GPHN: variants seen among roughly 807,000 people sequenced by gnomAD.
GPHN encodes gephyrin.
Under a neutral mutation model 95.5 loss-of-function variants are expected in GPHN, and 17 were observed. The observed-to-expected ratio is 0.18, with a 90% CI of 0.12 to 0.27. The LOEUF is 0.27. GPHN is among the 10% of genes least tolerant of loss of function. The pLI is 1.00. For synonymous variants in GPHN, 320 were observed against 322.5 expected (o/e 0.99, Z 0.08); for missense variants, 660 against 978.1 (o/e 0.67, Z 4.34).
chr14:67,109,132 AC>A (rs1249517974), intron 13 of GPHN, among the ~76,000 whole-genome samples: 1 of 152,228 alleles, frequency 6.6e-6, no homozygotes, highest in East Asian at 1.9e-4. Context: ...GTTTATCAAA[AC>A]AAAAAGTACA....
the GPHN span, among the ~76,000 whole-genome samples, chr14:67,362,220 A>G: frequency 6.6e-6 from 1 of 151,832 alleles, no homozygotes; most frequent in Non-Finnish European, 1.5e-5. Flanking sequence ...GGGTTTCACC[A>G]TGTTGACCAG....
At chr14:66,902,931 G>C (rs995531832) in intron 5 of GPHN, among the ~76,000 whole-genome samples, 1 of 151,896 alleles carries the variant, frequency 6.6e-6, no homozygotes, top group Non-Finnish European at 1.5e-5. Flanking sequence ...GATTAGAATT[G>C]CTATTATTTC....
chr14:67,504,881 C>T, the GPHN span, among the ~76,000 whole-genome samples: 2 of 151,920 alleles, frequency 1.3e-5, no homozygotes, highest in South Asian at 2.1e-4. Context: ...AGCGACACTC[C>T]GTCTCAAACA....
At chr14:67,707,919 G>C in the GPHN span, among the ~76,000 whole-genome samples, 1 of 152,206 alleles carries the variant, frequency 6.6e-6, no homozygotes, top group African/African-American at 2.4e-5. Flanking sequence ...TTTTCCAAGG[G>C]GCTATCTTGG....
chr14:67,247,533 T>C, the GPHN span, among the ~76,000 whole-genome samples: 1 of 152,208 alleles, frequency 6.6e-6, no homozygotes, highest in Non-Finnish European at 1.5e-5. Flanking sequence ...GGTTAGGACT[T>C]CCACTGAGAT....
the GPHN span, among the ~76,000 whole-genome samples, chr14:67,291,179 C>T: frequency 8.5e-4 from 127 of 149,840 alleles, no homozygotes; most frequent in Non-Finnish European, 6.1e-4. Flanking sequence ...AGTATATGTG[C>T]GTGTGCATGT....
intron 8 of GPHN, among the ~76,000 whole-genome samples, chr14:66,950,112 C>T (rs1410722646): frequency 6.6e-6 from 1 of 151,326 alleles, no homozygotes; most frequent in East Asian, 1.9e-4. Flanking sequence ...TAATAATTCA[C>T]AGTCAAAATT....
chr14:66,590,563 A>G (rs1310521443), intron 1 of GPHN, among the ~76,000 whole-genome samples: 1 of 152,198 alleles, frequency 6.6e-6, no homozygotes, highest in Non-Finnish European at 1.5e-5. Context: ...GAAGAAATGG[A>G]TAAATTCCTG....
intron 4 of GPHN, among the ~76,000 whole-genome samples, chr14:66,868,620 C>T (rs111598018): frequency 0.016 from 2,381 of 152,242 alleles, 33 homozygotes; most frequent in Non-Finnish European, 0.018. Context: ...TCTCAAACTC[C>T]TGACCTCAAG....
intron 5 of GPHN, among the ~76,000 whole-genome samples, chr14:66,913,367 G>C (rs1324737451): frequency 3.9e-5 from 6 of 151,952 alleles, no homozygotes; most frequent in Admixed American, 6.6e-5. Flanking sequence ...TTGAGACGAA[G>C]TCTTACTACT....
the GPHN span, among the ~76,000 whole-genome samples, chr14:67,628,997 A>G: frequency 1.5e-3 from 235 of 152,320 alleles, 2 homozygotes; most frequent in African/African-American, 5.4e-3. Context: ...ATGAATGGAC[A>G]ACCAAAATGT....
At chr14:67,654,052 T>C in the GPHN span, among the ~76,000 whole-genome samples, 1 of 152,220 alleles carries the variant, frequency 6.6e-6, no homozygotes, top group African/African-American at 2.4e-5. Context: ...GATGGCTACT[T>C]GCCATCTGTT....
At position 66,594,953 on chromosome 14, in the gene GPHN, A is replaced by C. The variant is rs559778963; in HGVS notation, c.65-86154A>C. Among the ~76,000 whole-genome samples, 3 of 152,336 alleles carry C rather than the reference A, an allele frequency of 2.0e-5. No individual in the cohort carries two copies. The South Asian group carries it at 6.2e-4, about 32-fold the overall frequency. On this transcript the variant is annotated intron_variant, in intron 1 of 22. Transcript: ENST00000478722. ...ATCCAGAATATATGAGGAACTTGAA[A>C]GTAAGAAAACAATCTGATATAAAAA...
Position 66,965,254 on chromosome 14 carries a change from A to G in GPHN, c.892A>G (p.Thr298Ala), listed in dbSNP as rs760638986. 1 of 1,612,434 alleles carries G rather than the reference A, an allele frequency of 6.2e-7. No homozygotes were observed. Among genetic ancestry groups the G allele is most frequent in the Admixed American group, 1.7e-5 (1 of 59,980 alleles). Reference protein sequence around the residue: ...VLPRDTASLSTTPSESPRAQA... With the variant: ...VLPRDTASLSATPSESPRAQA... ...CCCACGAGACACAGCCTCCCTCAGC[A>G]CTACTCCTTCAGAATCGCCTCGTGC... is the stretch of plus-strand genomic sequence containing the variant. The change falls in exon 9 of 23, where the codon ACT (threonine) becomes GCT (alanine). Residue 298 changes from threonine (T) to alanine (A), a missense_variant. By Grantham distance (58) the Thr-to-Ala change is moderately conservative. This residue lies in a region of GPHN where 190 missense variants were observed against 224.7 expected (regional missense o/e 0.85). Coordinates refer to ENST00000478722, the MANE Select transcript of GPHN (RefSeq NM_020806.5).
At chr14:66,670,444 A>G (rs979847932) in intron 1 of GPHN, among the ~76,000 whole-genome samples, 1 of 152,166 alleles carries the variant, frequency 6.6e-6, no homozygotes, top group Admixed American at 6.5e-5. Flanking sequence ...TTACAATATT[A>G]ACTGGCTCTC....
the GPHN span, chr14:67,541,861 T>C: frequency 6.3e-7 from 1 of 1,590,198 alleles, no homozygotes. Context: ...CAGAAGTCGA[T>C]TCCATCATGG....
At chr14:67,440,084 C>T in the GPHN span, among the ~76,000 whole-genome samples, 2 of 152,164 alleles carry the variant, frequency 1.3e-5, no homozygotes. Flanking sequence ...GATCCACCTG[C>T]CTCAGCCTCC....
chr14:67,042,804 T>G (rs1048839581), intron 10 of GPHN, among the ~76,000 whole-genome samples: 1 of 152,366 alleles, frequency 6.6e-6, no homozygotes, highest in South Asian at 2.1e-4. Context: ...GCATTGAATC[T>G]ATAAATTACT....
chr14:67,095,966 C>CAA, intron 12 of GPHN, among the ~76,000 whole-genome samples: 84 of 67,084 alleles, frequency 1.3e-3, no homozygotes, highest in Non-Finnish European at 2.3e-3. Flanking sequence ...AAGAAAAAGG[C>CAA]AAAAAAAAAA....
Sources: allele counts gnomAD v4.1 joint callset (sites outside exome capture counted in the v4.1 genomes callset), GRCh38; gene constraint gnomAD v4.1.1; regional missense constraint gnomAD v4.1.1; transcripts MANE v1.5; gene names NCBI Gene and HGNC (gene_info 2026-07-23, HGNC 2026-07-21).